Variants in UBR4 observed in about 807,000 individuals in gnomAD.
UBR4 encodes the protein ubiquitin protein ligase E3 component n-recognin 4.
Under a neutral mutation model 575.6 loss-of-function variants are expected in UBR4, and 124 were observed. The observed-to-expected ratio is 0.22, with a 90% CI of 0.19 to 0.25. The LOEUF is 0.25. Ranked by LOEUF, UBR4 falls within the 10% of genes least tolerant of loss-of-function variation. The pLI is 1.00. For synonymous variants in UBR4, 2,455 were observed against 2,473.7 expected, an observed-to-expected ratio of 0.99 and a Z score of 0.22; for missense variants, 4,818 against 6,478.8, an observed-to-expected ratio of 0.74 and a Z score of 8.80.
Position 19,165,010 on chromosome 1 carries a change from C to G in UBR4, c.4313-13G>C. The G allele has an allele frequency of 6.2e-7, 1 of 1,613,540 alleles. No individual in the cohort carries two copies. Among genetic ancestry groups the G allele is most frequent in the Non-Finnish European group, 8.5e-7 (1 of 1,179,832 alleles). ...GGGCTCTTCTCAGCTAGGAGCAGAA[C>G]AAGAGGCCAGGGTCAGTAAAGAAGG... On this transcript the variant is annotated splice_polypyrimidine_tract_variant and intron_variant, in intron 31 of 105. Transcript: ENST00000375254.
Position 19,139,910 on chromosome 1 carries a change from T to C in UBR4, c.8594-690A>G, listed in dbSNP as rs2083656024. ...GACAGGAGGAAAATGCTGGATGAGATACATGGGGGAGGAAAGCCAAGACAG... is the reference window on the plus strand; with the variant it reads ...GACAGGAGGAAAATGCTGGATGAGACACATGGGGGAGGAAAGCCAAGACAG... On this transcript the variant is annotated intron_variant, in intron 58 of 105. Coordinates refer to ENST00000375254, the MANE Select transcript of UBR4 (RefSeq NM_020765.3). The surrounding 1 kb of genome is among the most constrained non-coding windows in gnomAD (Gnocchi z 4.2). Among the ~76,000 whole-genome samples, 1 of 151,748 alleles carries C rather than the reference T, an allele frequency of 6.6e-6. No individual in the cohort carries two copies. Among genetic ancestry groups the C allele is most frequent in the Admixed American group, 6.6e-5 (1 of 15,254 alleles).
intron 102 of UBR4, among the ~76,000 whole-genome samples, chr1:19,084,149 A>G (rs1406226328): frequency 2.6e-5 from 4 of 152,212 alleles, no homozygotes; most frequent in Non-Finnish European, 5.9e-5. Flanking sequence ...CCCCCCATTC[A>G]AGAGAACAGT....
chr1:19,135,225 G>T (rs776542298), intron 60 of UBR4, among the ~76,000 whole-genome samples: 1 of 152,016 alleles, frequency 6.6e-6, no homozygotes, highest in African/African-American at 2.4e-5. Flanking sequence ...AGATGATCAG[G>T]TATGTGAGAA....
chr1:19,120,412 C>T (rs1252893298), intron 68 of UBR4, 64 bp from the exon 69 acceptor site: 32 of 1,549,140 alleles, frequency 2.1e-5, no homozygotes, highest in African/African-American at 2.7e-5. Flanking sequence ...GTCCTAAGGC[C>T]TGGGCTACCA....
chr1:19,170,853 CTCT>C lies in UBR4; in HGVS notation c.3549_3551del (p.Glu1184del). On this transcript the variant is annotated inframe_deletion, in exon 26 of 106. Transcript: ENST00000375254. ...CCTTGGAAGGTTTCTCAGTTGTTCC[CTCT>C]TCATTAAAGTTTTGCAGCAAATAGG... 2 of 1,614,152 alleles carry C rather than the reference CTCT, an allele frequency of 1.2e-6. No individual in the cohort carries two copies. The highest frequency in any genetic ancestry group is 1.7e-6 in the Non-Finnish European group (2 of 1,180,018).
chr1:19,117,462 T>G lies in UBR4; in HGVS notation c.10630-48A>C. ...CATGGTATTAGTTCAAGACTCGTAC[T>G]GCCTTTTTAAAAATTCATCAGTGTA... On this transcript the variant is annotated intron_variant, in intron 72 of 105. Coordinates refer to ENST00000375254, the MANE Select transcript of UBR4 (RefSeq NM_020765.3). This position sits in a 1 kb window ranked among gnomAD's most constrained non-coding sequence, Gnocchi z 4.0. The G allele has an allele frequency of 6.3e-7, 1 of 1,584,748 alleles. No individual in the cohort carries two copies. The highest frequency in any genetic ancestry group is 8.6e-7 in the Non-Finnish European group (1 of 1,156,816).
In UBR4 at chr1:19,119,683, T is replaced by G. The variant is rs554718806; in HGVS notation, c.10329A>C (p.Gln3443His). 24 of 1,611,172 alleles carry G rather than the reference T, an allele frequency of 1.5e-5. No homozygotes were observed. Among genetic ancestry groups the G allele is most frequent in the Non-Finnish European group, 1.2e-5 (14 of 1,177,696 alleles). Residue 3443 changes from glutamine to histidine, a missense_variant, in exon 70 of 106, where the codon CAA becomes CAC. This residue lies in a region of UBR4 where 550 missense variants were observed against 791.5 expected (regional missense o/e 0.69). Transcript: ENST00000375254. ...ACATCAGATCTAGCAGGAGCTCCTG[T>G]TGAGATTTGCTGGAATTTCTGTGGA... ...LHIYRNSSKS[Q>H]QELLLDLMWS...
In UBR4 at chr1:19,153,338, G is replaced by A; in HGVS notation, c.6795C>T (p.Ile2265=). 1.9e-6 allele frequency: 3 copies of A among 1,614,202 alleles called. No homozygotes were observed. Among genetic ancestry groups the A allele is most frequent in the Non-Finnish European group, 2.5e-6 (3 of 1,180,042 alleles). Residue 2265 remains isoleucine (I), a synonymous_variant, in exon 46 of 106, where the codon ATC becomes ATT. Transcript: ENST00000375254. The surrounding 1 kb of genome is among the most constrained non-coding windows in gnomAD (Gnocchi z 4.1). ...PSLQPSSVIS[I]MKPVRKRKTA... is the part of the protein sequence containing the mutation. ...TTTTGCGCTTTCGAACAGGCTTCATGATGCTGATGACACTGCTGGGCTGCA... is the reference window on the plus strand; with the variant it reads ...TTTTGCGCTTTCGAACAGGCTTCATAATGCTGATGACACTGCTGGGCTGCA...
intron 27 of UBR4, among the ~76,000 whole-genome samples, chr1:19,169,072 C>T (rs2089050822): frequency 6.6e-6 from 1 of 151,810 alleles, no homozygotes; most frequent in African/African-American, 2.4e-5. Flanking sequence ...AGGTTCCTGA[C>T]ATACAACCTA....
At chr1:19,158,107 G>T in intron 39 of UBR4, 110 bp from the exon 40 acceptor site, 1 of 1,261,244 alleles carries the variant, frequency 7.9e-7, no homozygotes, top group Non-Finnish European at 1.1e-6. Flanking sequence ...TCATTCAAAA[G>T]CAGTGATTTC....
chr1:19,081,127 T>G lies in UBR4; in HGVS notation c.15233+222A>C, dbSNP rs1461732143. 1.4e-5 allele frequency: 7 copies of G among 513,840 alleles called. No individual in the cohort carries two copies. The East Asian group carries it at 1.8e-4, about 14-fold the overall frequency. The allele number at this position is 513,840 out of a possible 1,614,324, so 31.8% of individuals were successfully genotyped here. On this transcript the variant is annotated intron_variant, in intron 103 of 105. Transcript: ENST00000375254. ...ATTTTCTACAGTAGGTAAGACTGGC[T>G]CTACCTTTCTAGTAGCGGAACAGAA...
chr1:19,086,969 GC>G, intron 99 of UBR4, 148 bp from the exon 100 acceptor site: 1 of 1,141,636 alleles, frequency 8.8e-7, no homozygotes, highest in Non-Finnish European at 1.2e-6. Context: ...AGCAGGTAAG[GC>G]CAGCCCCTCA....
intron 11 of UBR4, among the ~76,000 whole-genome samples, chr1:19,189,352 T>C (rs2091856330): frequency 6.6e-6 from 1 of 152,228 alleles, no homozygotes; most frequent in Admixed American, 6.5e-5. Flanking sequence ...ACAGGACAAT[T>C]AAGTTCCCAA....
intron 39 of UBR4, among the ~76,000 whole-genome samples, chr1:19,159,569 G>C (rs1286921581): frequency 6.6e-6 from 1 of 150,956 alleles, no homozygotes; most frequent in Non-Finnish European, 1.5e-5. Flanking sequence ...TCTCTTCATT[G>C]GCCAAAATGA....
Position 19,114,794 on chromosome 1 carries a change from G to A in UBR4, c.11202+17C>T, listed in dbSNP as rs1262599197. 1.2e-6 allele frequency: 2 copies of A among 1,613,816 alleles called. No homozygotes were observed. Among genetic ancestry groups the A allele is most frequent in the Non-Finnish European group, 8.5e-7 (1 of 1,179,930 alleles). Reference sequence around the variant, plus strand: ...ATCAAGGCCACAGCCCTGAGTCTAGGCCAGATCTGGCCTCACCTTCTTCCG... The same window carrying A: ...ATCAAGGCCACAGCCCTGAGTCTAGACCAGATCTGGCCTCACCTTCTTCCG... On this transcript the variant is annotated intron_variant, in intron 75 of 105. Transcript: ENST00000375254.
chr1:19,128,306 G>C lies in UBR4; in HGVS notation c.9016C>G (p.Leu3006Val). The part of the protein sequence containing the change: ...AIPYMQVILM[L>V]TTDLDGEDEK... ...TCTTCTCCATCCAGATCTGTAGTGA[G>C]CATTAGAATGACCTAGAAGTCAAAG... is the stretch of plus-strand genomic sequence containing the variant. The change falls in exon 62 of 106, where the codon CTC becomes GTC. Residue 3006 changes from leucine (L) to valine (V), a missense_variant. Transcript: ENST00000375254. 2.5e-6 allele frequency: 4 copies of C among 1,613,934 alleles called. No homozygotes were observed. Among genetic ancestry groups the C allele is most frequent in the Non-Finnish European group, 2.5e-6 (3 of 1,179,888 alleles).
At position 19,151,723 on chromosome 1, in the gene UBR4, T is replaced by A; in HGVS notation, c.7133A>T (p.Asn2378Ile). The change falls in exon 48 of 106, where the codon AAC (asparagine) becomes ATC (isoleucine). Residue 2378 changes from asparagine to isoleucine, a missense_variant. By Grantham distance (149) the Asn-to-Ile change is moderately radical. Coordinates refer to ENST00000375254, the MANE Select transcript of UBR4 (RefSeq NM_020765.3). ...IEIFGRTMQLNLSRSRWFDFP... is the reference protein window; with the variant it reads ...IEIFGRTMQLILSRSRWFDFP... ...GTCAAACCAGCGTGAGCGACTCAGGTTGAGCTGCATAGTTCTGCCGAAGAT... is the reference window on the plus strand; with the variant it reads ...GTCAAACCAGCGTGAGCGACTCAGGATGAGCTGCATAGTTCTGCCGAAGAT... The A allele has an allele frequency of 6.2e-7, 1 of 1,614,166 alleles. No individual in the cohort carries two copies. The highest frequency in any genetic ancestry group is 8.5e-7 in the Non-Finnish European group (1 of 1,180,010).
At chr1:19,171,215 A>G (rs551587205) in intron 25 of UBR4, among the ~76,000 whole-genome samples, 11 of 81,312 alleles carry the variant, frequency 1.4e-4, no homozygotes, top group Non-Finnish European at 2.1e-4. Context: ...AAACAAAACA[A>G]AACAAAAAAA....
Position 19,183,888 on chromosome 1 carries a change from C to T in UBR4, c.2107G>A (p.Asp703Asn). 1 of 1,614,126 alleles carries T rather than the reference C, an allele frequency of 6.2e-7. No individual in the cohort carries two copies. Among genetic ancestry groups the T allele is most frequent in the Non-Finnish European group, 8.5e-7 (1 of 1,179,996 alleles). The change falls in exon 17 of 106, where the codon GAT becomes AAT. Residue 703 changes from aspartate (D) to asparagine (N), a missense_variant. By Grantham distance (23) the Asp-to-Asn change is conservative (BLOSUM62 1). Transcript: ENST00000375254. ...TAGAGAGCTGCAGCAAACTCTTCAT[C>T]TGATGAACCTTAAAGACAAGTAGAA... ...VDKDGLKGSS[D>N]EEFAAALYHF...
Sources: allele counts gnomAD v4.1 joint callset (sites outside exome capture counted in the v4.1 genomes callset), GRCh38; gene constraint gnomAD v4.1.1; regional missense constraint gnomAD v4.1.1; non-coding constraint Gnocchi (gnomAD v3.1); transcripts MANE v1.5; gene names NCBI Gene and HGNC (gene_info 2026-07-23, HGNC 2026-07-21).